Variants in PATJ observed in about 807,000 individuals in gnomAD.
PATJ encodes inaD-like protein.
A neutral mutation model predicts 224.9 loss-of-function variants in PATJ; 190 were observed. The observed-to-expected ratio is 0.84, with a 90% CI of 0.75 to 0.95. The LOEUF (loss-of-function observed/expected upper bound fraction) is 0.95. Among genes scored for constraint, PATJ ranks in the 40% least tolerant of loss-of-function variants. PATJ has a pLI of 0.00. For synonymous variants in PATJ, 769 were observed against 820.3 expected, an observed-to-expected ratio of 0.94 and a Z score of 1.07; for missense variants, 2,121 against 2,270.3, an observed-to-expected ratio of 0.93 and a Z score of 1.34.
At chr1:61,743,531 A>C (rs573185459) in intron 1 of PATJ, among the ~76,000 whole-genome samples, 55 of 152,326 alleles carry the variant, frequency 3.6e-4, no homozygotes, top group African/African-American at 1.3e-3. Context: ...GGAAGGCAGA[A>C]GCCTTTGGAA....
intron 17 of PATJ, among the ~76,000 whole-genome samples, chr1:61,840,466 A>G (rs1660899979): frequency 6.6e-6 from 1 of 151,980 alleles, no homozygotes; most frequent in Admixed American, 6.6e-5. Context: ...TTTTATATAT[A>G]CATGGTTATA....
chr1:61,999,758 T>C (rs77385308), intron 28 of PATJ, among the ~76,000 whole-genome samples: 1 of 152,116 alleles, frequency 6.6e-6, no homozygotes, highest in East Asian at 1.9e-4. Context: ...TATTATAAGA[T>C]CTCAGGCAAC....
chr1:61,926,932 T>C (rs911150241), intron 26 of PATJ, among the ~76,000 whole-genome samples: 2 of 152,186 alleles, frequency 1.3e-5, no homozygotes, highest in African/African-American at 2.4e-5. Context: ...TATTTTGTTT[T>C]TTCTGGAGTG....
At chr1:62,053,899 T>A (rs1160594272) in intron 31 of PATJ, among the ~76,000 whole-genome samples, 1 of 152,104 alleles carries the variant, frequency 6.6e-6, no homozygotes, top group African/African-American at 2.4e-5. Context: ...CAACAAATAT[T>A]TGCCAAATAC....
chr1:62,090,151 C>T lies in PATJ; in HGVS notation c.4377+5503C>T, dbSNP rs74076525. Among the ~76,000 whole-genome samples, 17 of 152,216 alleles carry T rather than the reference C, an allele frequency of 1.1e-4. 1 individual carries two copies. In the East Asian group the frequency reaches 2.9e-3, roughly 26 times the overall value. On this transcript the variant is annotated intron_variant, in intron 33 of 43. Coordinates refer to ENST00000642238, the MANE Select transcript of PATJ (RefSeq NM_001350145.3). Reference sequence around the variant, plus strand: ...TAGCATCCCATTGTATTTAAATCGACCTTTTAAAATGCCGAGGTAATGATG... The same window carrying T: ...TAGCATCCCATTGTATTTAAATCGATCTTTTAAAATGCCGAGGTAATGATG...
At chr1:61,796,117 A>T (rs978962547) in intron 10 of PATJ, among the ~76,000 whole-genome samples, 2 of 152,226 alleles carry the variant, frequency 1.3e-5, no homozygotes, top group African/African-American at 4.8e-5. Context: ...TGCTTAACAT[A>T]GAAACAAATG....
At chr1:62,083,399 G>C (rs142746210) in intron 32 of PATJ, among the ~76,000 whole-genome samples, 1,664 of 152,302 alleles carry the variant, frequency 0.011, 12 homozygotes, top group Middle Eastern at 0.031. Context: ...CAAAGTGCTG[G>C]GATTACAGGC....
intron 41 of PATJ, among the ~76,000 whole-genome samples, chr1:62,142,288 C>T (rs968920982): frequency 2.0e-5 from 3 of 152,154 alleles, no homozygotes; most frequent in Non-Finnish European, 4.4e-5. Context: ...AATGCTTGCT[C>T]CACTGAGGTG....
chr1:62,014,063 C>T (rs1275107849), intron 28 of PATJ, among the ~76,000 whole-genome samples: 1 of 152,032 alleles, frequency 6.6e-6, no homozygotes, highest in Non-Finnish European at 1.5e-5. Context: ...CATGGGCAAC[C>T]GCACCCAGCC....
At chr1:62,114,920 A>T (rs901151574) in intron 35 of PATJ, 1 of 152,142 alleles carries the variant, frequency 6.6e-6, no homozygotes, top group African/African-American at 2.4e-5. Context: ...TAAAAAAAAA[A>T]AAAAGAAAAG....
intron 11 of PATJ, among the ~76,000 whole-genome samples, chr1:61,798,139 T>A (rs1393214282): frequency 3.9e-5 from 6 of 152,180 alleles, no homozygotes; most frequent in Non-Finnish European, 8.8e-5. Context: ...TATATTTTAT[T>A]CTAATCTGCC....
At chr1:61,822,126 T>C (rs1242201573) in intron 14 of PATJ, among the ~76,000 whole-genome samples, 1 of 152,114 alleles carries the variant, frequency 6.6e-6, no homozygotes, top group African/African-American at 2.4e-5. Context: ...TGAGCCCATG[T>C]TTAGTGCCAG....
intron 41 of PATJ, among the ~76,000 whole-genome samples, chr1:62,130,707 C>T (rs1397472508): frequency 1.3e-5 from 2 of 151,788 alleles, no homozygotes; most frequent in East Asian, 1.9e-4. Context: ...AAAAATTAGC[C>T]GGGCATGGTG....
At chr1:62,142,947 C>T (rs1321176120) in intron 41 of PATJ, among the ~76,000 whole-genome samples, 1 of 152,048 alleles carries the variant, frequency 6.6e-6, no homozygotes, top group African/African-American at 2.4e-5. Context: ...GTGCGGATAC[C>T]CGTTTTATAT....
chr1:61,871,557 A>T lies in PATJ; in HGVS notation c.2836-3686A>T, dbSNP rs140972304. Among the ~76,000 whole-genome samples the T allele has an allele frequency of 9.0e-3, 495 of 54,938 alleles. 43 individuals are homozygous for T. Among genetic ancestry groups the T allele is most frequent in the Middle Eastern group, 0.071 (4 of 56 alleles). 36.0% of individuals were successfully genotyped at this position (54,938 alleles called of 152,430 possible). A position where few individuals can be genotyped will look rare whatever the true frequency, so the allele number is the denominator to read the frequency against. On this transcript the variant is annotated intron_variant, in intron 20 of 43. Coordinates refer to ENST00000642238, the MANE Select transcript of PATJ (RefSeq NM_001350145.3). ...TGTGTGTGTATATATATATATATAT[A>T]TTTTTTTTTTTTTTTTTTTTTTTGA...
chr1:61,988,252 G>C (rs1024247181), intron 27 of PATJ, among the ~76,000 whole-genome samples: 1 of 152,184 alleles, frequency 6.6e-6, no homozygotes, highest in African/African-American at 2.4e-5. Flanking sequence ...AATTAATTTA[G>C]TATTTATTCA....
At chr1:61,983,328 T>A (rs1644550218) in intron 27 of PATJ, among the ~76,000 whole-genome samples, 2 of 149,052 alleles carry the variant, frequency 1.3e-5, no homozygotes, top group Admixed American at 1.3e-4. Flanking sequence ...ATTATTATGC[T>A]TTCTGTTTTA....
intron 15 of PATJ, among the ~76,000 whole-genome samples, chr1:61,825,201 C>T (rs1658023945): frequency 1.3e-5 from 2 of 152,106 alleles, no homozygotes; most frequent in Non-Finnish European, 2.9e-5. Flanking sequence ...GCAATATTAT[C>T]ACTGTGAAGA....
chr1:61,947,062 G>A (rs1450081508), intron 27 of PATJ, among the ~76,000 whole-genome samples: 1 of 152,112 alleles, frequency 6.6e-6, no homozygotes, highest in South Asian at 2.1e-4. Flanking sequence ...TTGATGGGAT[G>A]TATCTCAAAA....
Sources: gnomAD v4.1 joint callset for allele counts (sites outside exome capture counted in the v4.1 genomes callset) on GRCh38, gnomAD v4.1.1 for gene constraint, MANE v1.5 for transcripts, NCBI Gene and HGNC (gene_info 2026-07-23, HGNC 2026-07-21) for gene names.